The following PRKD3 variants were observed in gnomAD, a reference collection of about 807,000 sequenced individuals.
PRKD3 encodes serine/threonine-protein kinase D3.
In PRKD3, 47 loss-of-function variants were observed where a neutral mutation model predicts 99.2. The observed-to-expected ratio is 0.47, with a 90% confidence interval of 0.38 to 0.60. The LOEUF is 0.60. Ranked by LOEUF, PRKD3 falls within the 20% of genes least tolerant of loss-of-function variation. PRKD3 has a pLI of 0.00. For synonymous variants in PRKD3, 392 were observed against 355.4 expected (o/e 1.10, Z -1.16); for missense variants, 1,019 against 1,088.4 (o/e 0.94, Z 0.90).
At position 37,280,746 on chromosome 2, in the gene PRKD3, A is replaced by G. The variant is rs77087072; in HGVS notation, c.989-817T>C. ...ACCAAAAAGATAAGTGACAACATAA[A>G]TAAATAAATAAATTGGATTTCATCA... On this transcript the variant is annotated intron_variant, in intron 7 of 18. Transcript: ENST00000234179. Among the ~76,000 whole-genome samples, 768 of 152,274 alleles carry G rather than the reference A, an allele frequency of 5.0e-3. 10 individuals carry two copies. Among genetic ancestry groups the G allele is most frequent in the African/African-American group, 0.017 (704 of 41,538 alleles).
At chr2:37,298,722 G>C (rs549907103) in intron 2 of PRKD3, among the ~76,000 whole-genome samples, 64 of 152,078 alleles carry the variant, frequency 4.2e-4, no homozygotes, top group African/African-American at 1.4e-3. Context: ...TTCTATTCCA[G>C]ATTGTTCACT....
chr2:37,318,623 C>T (rs1346576546), intron 1 of PRKD3, among the ~76,000 whole-genome samples: 2 of 152,200 alleles, frequency 1.3e-5, no homozygotes, highest in Non-Finnish European at 2.9e-5. Flanking sequence ...TTTTGCTTAT[C>T]TTCTCCACAG....
At position 37,319,608 on chromosome 2, in the gene PRKD3, T is replaced by C. The variant is rs534646185; in HGVS notation, c.-655-2429A>G. Among the ~76,000 whole-genome samples, 62 of 152,238 alleles carry C rather than the reference T, an allele frequency of 4.1e-4. 1 individual carries two copies. In the South Asian group the frequency reaches 0.013, roughly 31 times the overall value. ...GAAAAAGATTAATTCAAACTGCTAA[T>C]ATAATGGGTGACTAAAAGAGCTAAT... On this transcript the variant is annotated intron_variant, in intron 1 of 18. Coordinates refer to ENST00000234179, the MANE Select transcript of PRKD3 (RefSeq NM_005813.6).
At chr2:37,276,396 G>C (rs78906860) in intron 9 of PRKD3, among the ~76,000 whole-genome samples, 3,386 of 152,186 alleles carry the variant, frequency 0.022, 57 homozygotes, top group Middle Eastern at 0.054. Context: ...TTCAGTGAAA[G>C]GTTAAAGTGA....
At chr2:37,282,305 G>T (rs780280365) in intron 7 of PRKD3, 5 of 476,972 alleles carry the variant, frequency 1.0e-5, no homozygotes, top group African/African-American at 1.9e-5. Context: ...AGGATATGGA[G>T]TACCACTGGC....
At chr2:37,317,702 G>A (rs757364326) in intron 1 of PRKD3, 1 of 152,146 alleles carries the variant, frequency 6.6e-6, no homozygotes, top group Non-Finnish European at 1.5e-5. Flanking sequence ...AAGGAAGCAG[G>A]AGGGGATATA....
intron 14 of PRKD3, among the ~76,000 whole-genome samples, chr2:37,265,488 T>TACACAC (rs149325155): frequency 3.3e-5 from 5 of 150,052 alleles, no homozygotes; most frequent in South Asian, 2.1e-4. Context: ...ATCTTTATAC[T>TACACAC]ACACACACAC....
intron 13 of PRKD3, 35 bp downstream of exon 13, chr2:37,269,580 A>G: frequency 6.4e-7 from 1 of 1,555,462 alleles, no homozygotes. Context: ...TTTTAAAATA[A>G]TGTGTACAAT....
At chr2:37,292,503 C>G (rs1439309000) in intron 3 of PRKD3, among the ~76,000 whole-genome samples, 1 of 151,988 alleles carries the variant, frequency 6.6e-6, no homozygotes, top group Non-Finnish European at 1.5e-5. Context: ...ACCACCACGC[C>G]TGGCCAAATT....
chr2:37,320,588 T>C (rs1244403800), intron 1 of PRKD3, among the ~76,000 whole-genome samples: 2 of 151,940 alleles, frequency 1.3e-5, no homozygotes, highest in South Asian at 2.1e-4. Context: ...CACATCACCA[T>C]ACCTGGCTCA....
rs1669535649 is a variant in PRKD3, at chr2:37,275,722, T to C, written c.1374+45A>G. The C allele has an allele frequency of 4.6e-6, 7 of 1,532,090 alleles. No individual in the cohort carries two copies. The Admixed American group carries it at 6.2e-5, about 14-fold the overall frequency. 94.9% of individuals were successfully genotyped at this position (1,532,090 alleles called of 1,614,324 possible). On this transcript the variant is annotated intron_variant, in intron 10 of 18. Coordinates refer to ENST00000234179, the MANE Select transcript of PRKD3 (RefSeq NM_005813.6). ...TAATGAATATTATCTGAAAAAAACA[T>C]ACACTATCTTAATGCTTATATTTTT...
intron 2 of PRKD3, among the ~76,000 whole-genome samples, chr2:37,311,214 C>T (rs1371565988): frequency 6.6e-6 from 1 of 152,168 alleles, no homozygotes; most frequent in African/African-American, 2.4e-5. Context: ...TGAAGTACTA[C>T]AGTTGGTGAT....
At position 37,316,785 on chromosome 2, in the gene PRKD3, G is replaced by A. The variant is rs1671684294; in HGVS notation, c.-261C>T. On this transcript the variant is annotated 5_prime_UTR_variant, in exon 2 of 19. Transcript: ENST00000234179. ...AGGAAGACAACCAGGGATTTGTAAA[G>A]GATTTAACATCACTGAGCTATCCTC... The A allele has an allele frequency of 7.6e-7, 1 of 1,311,278 alleles. No homozygotes were observed. Among genetic ancestry groups the A allele is most frequent in the Non-Finnish European group, 9.7e-7 (1 of 1,030,574 alleles). 81.2% of individuals were successfully genotyped at this position (1,311,278 alleles called of 1,614,324 possible).
chr2:37,255,159 G>A (rs1443821641), intron 17 of PRKD3, among the ~76,000 whole-genome samples: 2 of 152,154 alleles, frequency 1.3e-5, no homozygotes, highest in African/African-American at 4.8e-5. Flanking sequence ...AGATAACACT[G>A]GTTAACATCA....
intron 1 of PRKD3, among the ~76,000 whole-genome samples, chr2:37,323,376 C>T (rs2124915066): frequency 6.6e-6 from 1 of 151,984 alleles, no homozygotes; most frequent in South Asian, 2.1e-4. Context: ...TCAAGGAGTA[C>T]TCCAAGCTCA....
rs1475034992 is a variant in PRKD3, at chr2:37,252,655, T to C, written c.*522A>G. Reference sequence around the variant, plus strand: ...TAAGAAAAACCCTTCAATGCCTCTATGGTTTGTTAAACCAATGTTAAAAGT... The same window carrying C: ...TAAGAAAAACCCTTCAATGCCTCTACGGTTTGTTAAACCAATGTTAAAAGT... On this transcript the variant is annotated 3_prime_UTR_variant, in exon 19 of 19. Coordinates refer to ENST00000234179, the MANE Select transcript of PRKD3 (RefSeq NM_005813.6). 1.3e-5 allele frequency: 2 copies of C among 152,098 alleles called. No individual in the cohort carries two copies. The highest frequency in any genetic ancestry group is 1.9e-4 in the East Asian group (1 of 5,198). 9.4% of individuals were successfully genotyped at this position (152,098 alleles called of 1,614,324 possible).
At position 37,293,174 on chromosome 2, in the gene PRKD3, T is replaced by C; in HGVS notation, c.386A>G (p.Asp129Gly). Residue 129 changes from aspartate to glycine, a missense_variant, in exon 3 of 19, where the codon GAT becomes GGT. Around this residue, in one of 3 missense-constraint regions of PRKD3, gnomAD observed 710 missense variants for 692.7 expected, o/e 1.02. Coordinates refer to ENST00000234179, the MANE Select transcript of PRKD3 (RefSeq NM_005813.6). Reference protein sequence around the residue: ...ENILQLITSADEIHEGDLVEV... With the variant: ...ENILQLITSAGEIHEGDLVEV... ...CACTAGGTCTCCTTCATGTATTTCA[T>C]CTGCTGAGGTAATCAGCTGCAAAAT... 6.2e-7 allele frequency: 1 copy of C among 1,602,354 alleles called. No individual in the cohort carries two copies.
chr2:37,291,433 T>C (rs1319511940), intron 3 of PRKD3, among the ~76,000 whole-genome samples: 1 of 152,238 alleles, frequency 6.6e-6, no homozygotes, highest in African/African-American at 2.4e-5. Context: ...ACTTGTCTGT[T>C]TGTTCTCCAC....
At chr2:37,298,495 G>A (rs530366221) in intron 2 of PRKD3, among the ~76,000 whole-genome samples, 14 of 151,496 alleles carry the variant, frequency 9.2e-5, no homozygotes, top group African/African-American at 3.4e-4. Flanking sequence ...CTTAACCTCA[G>A]TTTTTCCATC....
Sources: allele counts gnomAD v4.1 joint callset (sites outside exome capture counted in the v4.1 genomes callset), GRCh38; gene constraint gnomAD v4.1.1; regional missense constraint gnomAD v4.1.1; transcripts MANE v1.5; gene names NCBI Gene and HGNC (gene_info 2026-07-23, HGNC 2026-07-21).